Variants in RABGAP1L observed in about 807,000 individuals in gnomAD.
RABGAP1L encodes the protein rab GTPase-activating protein 1-like.
A neutral mutation model predicts 137.7 loss-of-function variants in RABGAP1L; 63 were observed. The observed-to-expected ratio is 0.46, with a 90% CI of 0.37 to 0.56. The LOEUF is 0.56. RABGAP1L is among the 20% of genes least tolerant of loss of function. RABGAP1L has a pLI of 0.00. For missense variants in RABGAP1L, 1,095 were observed against 1,244.0 expected (o/e 0.88, Z 1.80); for synonymous variants, 431 against 433.7 (o/e 0.99, Z 0.08).
intron 19 of RABGAP1L, among the ~76,000 whole-genome samples, chr1:174,955,577 C>T (rs1162847202): frequency 6.6e-6 from 1 of 152,144 alleles, no homozygotes; most frequent in Non-Finnish European, 1.5e-5. Context: ...CTCTCTCACT[C>T]ATATGTATAT....
At chr1:174,921,065 G>A (rs1195702075) in intron 19 of RABGAP1L, among the ~76,000 whole-genome samples, 1 of 152,144 alleles carries the variant, frequency 6.6e-6, no homozygotes, top group Non-Finnish European at 1.5e-5. Flanking sequence ...TGGGATTACA[G>A]GCACATGCCA....
At chr1:174,869,311 G>T (rs1651803458) in intron 19 of RABGAP1L, among the ~76,000 whole-genome samples, 1 of 151,894 alleles carries the variant, frequency 6.6e-6, no homozygotes, top group Non-Finnish European at 1.5e-5. Context: ...TCATGGGGGA[G>T]TGGATCATGG....
chr1:174,980,315 T>C (rs1212206478), intron 23 of RABGAP1L, among the ~76,000 whole-genome samples: 1 of 152,226 alleles, frequency 6.6e-6, no homozygotes, highest in Non-Finnish European at 1.5e-5. Flanking sequence ...CATATGTTTA[T>C]TTAATGCCTG....
intron 14 of RABGAP1L, among the ~76,000 whole-genome samples, chr1:174,653,582 G>C (rs1447106994): frequency 2.6e-5 from 4 of 152,182 alleles, no homozygotes; most frequent in African/African-American, 9.6e-5. Context: ...CCCTGCTTCA[G>C]GTTGCCCCCG....
chr1:174,478,207 T>C (rs2149323930), intron 13 of RABGAP1L, among the ~76,000 whole-genome samples: 1 of 152,158 alleles, frequency 6.6e-6, no homozygotes, highest in East Asian at 1.9e-4. Context: ...TTCAAAGAAA[T>C]TCAAGGGGAC....
At chr1:174,957,723 C>CTTTTTTTT (rs34143059) in intron 20 of RABGAP1L, 174 bp downstream of exon 20, 17 of 505,882 alleles carry the variant, frequency 3.4e-5, no homozygotes, top group African/African-American at 1.4e-4. Flanking sequence ...AGCAAAGTAC[C>CTTTTTTTT]TTTTTTTTTT....
chr1:174,468,771 T>G (rs980927052), intron 13 of RABGAP1L, among the ~76,000 whole-genome samples: 28 of 152,152 alleles, frequency 1.8e-4, no homozygotes, highest in African/African-American at 6.5e-4. Flanking sequence ...GAACAGTAAG[T>G]TCCATGGGGC....
intron 13 of RABGAP1L, among the ~76,000 whole-genome samples, chr1:174,423,336 G>C (rs574909042): frequency 6.6e-6 from 1 of 152,236 alleles, no homozygotes; most frequent in Middle Eastern, 3.4e-3. Context: ...GACTGCATCT[G>C]ATGTCGTAGG....
rs1334989691 is a variant in RABGAP1L at position 174,304,985 on chromosome 1, G to C, written c.1324-1G>C. On this transcript the variant is annotated splice_acceptor_variant, in intron 10 of 25. Transcript: ENST00000681986. LOFTEE classifies it high-confidence loss of function. Reference sequence around the variant, plus strand: ...TAAATATACTGTTATATTTTTCTCAGTCTGAGGGAAAAGGCCATACCAATG... The same window carrying C: ...TAAATATACTGTTATATTTTTCTCACTCTGAGGGAAAAGGCCATACCAATG... The C allele has an allele frequency of 6.5e-7, 1 of 1,539,420 alleles. No individual in the cohort carries two copies. The highest frequency in any genetic ancestry group is 8.7e-7 in the Non-Finnish European group (1 of 1,149,082).
At position 174,660,401 on chromosome 1, in the gene RABGAP1L, C is replaced by T. The variant is rs78438682; in HGVS notation, c.1824+22913C>T. ...CATGGAATGGTCAACAGGTTGCACA[C>T]GATTCCCTTGCCCAGCACCACACAA... is the stretch of plus-strand genomic sequence containing the variant. On this transcript the variant is annotated intron_variant, in intron 14 of 25. Transcript: ENST00000681986. 3.9e-5 allele frequency among the ~76,000 whole-genome samples: 6 copies of T among 152,280 alleles called. No homozygotes were observed. The East Asian group carries it at 7.7e-4, about 20-fold the overall frequency.
chr1:174,646,146 C>G (rs1015666836), intron 14 of RABGAP1L, among the ~76,000 whole-genome samples: 1 of 152,100 alleles, frequency 6.6e-6, no homozygotes, highest in Admixed American at 6.5e-5. Context: ...CAAAAATTTT[C>G]TCCCATTCTG....
intron 19 of RABGAP1L, among the ~76,000 whole-genome samples, chr1:174,903,903 T>G (rs1400695969): frequency 6.7e-6 from 1 of 148,706 alleles, no homozygotes; most frequent in East Asian, 2.0e-4. Context: ...TGAGCTGAGA[T>G]CGCGCCATTG....
intron 21 of RABGAP1L, among the ~76,000 whole-genome samples, chr1:174,973,392 T>C (rs1303857301): frequency 6.6e-6 from 1 of 150,426 alleles, no homozygotes; most frequent in East Asian, 1.9e-4. Context: ...TTCTTTTTTT[T>C]TTTTTTTTCT....
chr1:174,307,182 T>C (rs7553317), intron 11 of RABGAP1L, among the ~76,000 whole-genome samples: 44,466 of 152,022 alleles, frequency 0.29, 7,283 homozygotes, highest in African/African-American at 0.43. Flanking sequence ...GTGACAAAGC[T>C]GAGATCTGAG....
In RABGAP1L at chr1:174,617,247, A is replaced by G. The variant is rs540145711; in HGVS notation, c.1711-20128A>G. Among the ~76,000 whole-genome samples, 22 of 152,368 alleles carry G rather than the reference A, an allele frequency of 1.4e-4. No individual in the cohort carries two copies. In the South Asian group the frequency reaches 4.3e-3, roughly 30 times the overall value. ...ATTAATCAAGTTTCAGCTTTGCCCT[A>G]TCTCCAAATATTATGCCTACTTCTG... On this transcript the variant is annotated intron_variant, in intron 13 of 25. Transcript: ENST00000681986.
At chr1:174,845,977 G>T (rs1417419032) in intron 19 of RABGAP1L, among the ~76,000 whole-genome samples, 5 of 138,674 alleles carry the variant, frequency 3.6e-5, no homozygotes, top group African/African-American at 8.1e-5. Flanking sequence ...GTCGAGGAAT[G>T]TATCCATTTC....
chr1:174,878,376 G>A (rs573917580), intron 19 of RABGAP1L, among the ~76,000 whole-genome samples: 22 of 152,120 alleles, frequency 1.4e-4, no homozygotes, highest in East Asian at 7.7e-4. Context: ...ACAGGCATGC[G>A]CCACCATGCC....
chr1:174,601,831 C>T (rs1043480932), intron 13 of RABGAP1L, among the ~76,000 whole-genome samples: 1 of 152,010 alleles, frequency 6.6e-6, no homozygotes, highest in Non-Finnish European at 1.5e-5. Flanking sequence ...AATCATCTAT[C>T]TCAAGTTCAA....
intron 13 of RABGAP1L, among the ~76,000 whole-genome samples, chr1:174,553,730 G>A (rs1666701955): frequency 6.6e-6 from 1 of 152,232 alleles, no homozygotes; most frequent in African/African-American, 2.4e-5. Context: ...GTCAGGCGCA[G>A]TGGCTGATGC....
Sources: gnomAD v4.1 joint callset for allele counts (sites outside exome capture counted in the v4.1 genomes callset) on GRCh38, gnomAD v4.1.1 for gene constraint, MANE v1.5 for transcripts, NCBI Gene and HGNC (gene_info 2026-07-23, HGNC 2026-07-21) for gene names.